Variants in HECTD2 observed in about 807,000 individuals in gnomAD.
HECTD2 encodes the protein HECT domain E3 ubiquitin protein ligase 2, also known as probable E3 ubiquitin-protein ligase HECTD2.
Under a neutral mutation model 103.2 loss-of-function variants are expected in HECTD2, and 35 were observed. The ratio of observed to expected loss-of-function variants is 0.34; its 90% CI spans 0.26 to 0.45. The LOEUF is 0.45. HECTD2 is among the 20% of genes least tolerant of loss of function. HECTD2 has a pLI of 1.00. For missense variants in HECTD2, 596 were observed against 937.4 expected, an observed-to-expected ratio of 0.64 and a Z score of 4.76; for synonymous variants, 281 against 329.9, an observed-to-expected ratio of 0.85 and a Z score of 1.61.
At chr10:91,454,360 A>C (rs1844974607) in intron 2 of HECTD2, among the ~76,000 whole-genome samples, 1 of 152,150 alleles carries the variant, frequency 6.6e-6, no homozygotes, top group South Asian at 2.1e-4. Context: ...AGTAACAGAA[A>C]ATAACAGGAG....
intron 2 of HECTD2, among the ~76,000 whole-genome samples, chr10:91,439,308 T>C (rs201567480): frequency 6.6e-6 from 1 of 152,214 alleles, no homozygotes; most frequent in Admixed American, 6.5e-5. Context: ...TAGCCAGTTT[T>C]CCCAGCACCA....
intron 20 of HECTD2, among the ~76,000 whole-genome samples, chr10:91,502,307 C>A (rs148779179): frequency 3.9e-5 from 6 of 152,280 alleles, no homozygotes; most frequent in Non-Finnish European, 8.8e-5. Flanking sequence ...TCCATGCTTT[C>A]AAGTTGTTCC....
At position 91,410,481 on chromosome 10, in the gene HECTD2, G is replaced by A. The variant is rs1239337890; in HGVS notation, c.43G>A (p.Val15Met). 6.8e-7 allele frequency: 1 copy of A among 1,468,390 alleles called. No homozygotes were observed. The highest frequency in any genetic ancestry group is 1.3e-5 in the South Asian group (1 of 77,214). The allele number at this position is 1,468,390 out of a possible 1,614,324, so 91.0% of individuals were successfully genotyped here. The change falls in exon 1 of 21, where the codon GTG becomes ATG. Residue 15 changes from valine to methionine, a missense_variant. Physicochemically the swap from Val to Met is conservative, Grantham distance 21. Coordinates refer to ENST00000298068, the MANE Select transcript of HECTD2 (RefSeq NM_182765.6). ...GGTACCCTCGCCCGCCACTCCGCTG[G>A]TGGTGGCGGCGCCCGCGCCTGAGGA... ...VRVPSPATPL[V>M]VAAPAPEERK...
Position 91,507,538 on chromosome 10 carries a change from A to G in HECTD2, c.2211-4726A>G, listed in dbSNP as rs1463325395. Among the ~76,000 whole-genome samples, 3 of 152,310 alleles carry G rather than the reference A, an allele frequency of 2.0e-5. No homozygotes were observed. In the East Asian group the frequency reaches 5.8e-4, roughly 29 times the overall value. On this transcript the variant is annotated intron_variant, in intron 20 of 20. Coordinates refer to ENST00000298068, the MANE Select transcript of HECTD2 (RefSeq NM_182765.6). ...CATTCACAACTGCTTCAAAGAGAAT[A>G]AAATACTTAGGAATCCAACTTACAA...
chr10:91,462,909 G>A (rs1845405005), intron 5 of HECTD2: 1 of 261,228 alleles, frequency 3.8e-6, no homozygotes, highest in African/African-American at 2.3e-5. Flanking sequence ...ATGTTTTGTA[G>A]TTTTCTGGAT....
At chr10:91,507,245 A>G (rs1389648093) in intron 20 of HECTD2, among the ~76,000 whole-genome samples, 2 of 151,108 alleles carry the variant, frequency 1.3e-5, no homozygotes, top group Non-Finnish European at 2.9e-5. Context: ...CACCACTCCT[A>G]TTCAACATAG....
chr10:91,504,941 C>T (rs1847085446), intron 20 of HECTD2, among the ~76,000 whole-genome samples: 1 of 152,150 alleles, frequency 6.6e-6, no homozygotes, highest in South Asian at 2.1e-4. Context: ...GGCAGAAACC[C>T]TACAAGCCAG....
chr10:91,455,715 T>G (rs1053516783), intron 2 of HECTD2, among the ~76,000 whole-genome samples: 3 of 152,170 alleles, frequency 2.0e-5, no homozygotes, highest in Non-Finnish European at 4.4e-5. Context: ...GGTCTAACAT[T>G]TAAGTCTTTA....
At chr10:91,484,016 C>G (rs1160637684) in intron 8 of HECTD2, 18 of 238,676 alleles carry the variant, frequency 7.5e-5, no homozygotes, top group Non-Finnish European at 3.2e-5. Flanking sequence ...ACAAAAAGCA[C>G]CAAAATGTGA....
At chr10:91,498,218 A>G (rs1389015043) in intron 16 of HECTD2, 36 bp downstream of exon 16, 10 of 1,353,500 alleles carry the variant, frequency 7.4e-6, no homozygotes, top group Admixed American at 1.7e-5. Flanking sequence ...TGTTAATCAT[A>G]TATTTCATAT....
rs1307169936 is a variant in HECTD2 at position 91,478,260 on chromosome 10, G to C, written c.660G>C (p.Trp220Cys). The C allele has an allele frequency of 6.3e-7, 1 of 1,591,414 alleles. No individual in the cohort carries two copies. The highest frequency in any genetic ancestry group is 8.6e-7 in the Non-Finnish European group (1 of 1,159,754). Residue 220 changes from tryptophan to cysteine, a missense_variant, in exon 6 of 21, where the codon TGG becomes TGC. Trp to Cys is a radical substitution (Grantham distance 215, BLOSUM62 -2). Around this residue, in one of 4 missense-constraint regions of HECTD2, gnomAD observed 303 missense variants for 522.5 expected, o/e 0.58. Coordinates refer to ENST00000298068, the MANE Select transcript of HECTD2 (RefSeq NM_182765.6). ...KGIINSLLRE[W>C]KGPRTKDDLR... ...TCATTAACAGCCTGTTACGAGAATG[G>C]AAAGGGTAAACTAATATTTTCAATA...
chr10:91,410,709 C>A, intron 1 of HECTD2, 133 bp downstream of exon 1: 2 of 809,648 alleles, frequency 2.5e-6, no homozygotes, highest in Non-Finnish European at 3.4e-6. Context: ...CGCACTCAGG[C>A]CGCCCTTCCT....
chr10:91,420,247 T>G (rs934583411), intron 1 of HECTD2, among the ~76,000 whole-genome samples: 4 of 151,322 alleles, frequency 2.6e-5, no homozygotes, highest in Non-Finnish European at 5.9e-5. Context: ...GACCAAGGAA[T>G]TTTTTTCTAT....
chr10:91,499,912 G>A lies in HECTD2; in HGVS notation c.1951-590G>A, dbSNP rs148254287. Among the ~76,000 whole-genome samples, 20 of 152,238 alleles carry A rather than the reference G, an allele frequency of 1.3e-4. No individual in the cohort carries two copies. In the East Asian group the frequency reaches 2.7e-3, roughly 21 times the overall value. On this transcript the variant is annotated intron_variant, in intron 18 of 20. Coordinates refer to ENST00000298068, the MANE Select transcript of HECTD2 (RefSeq NM_182765.6). Reference sequence around the variant, plus strand: ...AAACCTTTGTAATATGTTTGTTGTCGAAAATACCTTTGAAAGAGAAACACT... The same window carrying A: ...AAACCTTTGTAATATGTTTGTTGTCAAAAATACCTTTGAAAGAGAAACACT...
intron 18 of HECTD2, among the ~76,000 whole-genome samples, chr10:91,499,945 G>A (rs1466918108): frequency 6.6e-6 from 1 of 152,128 alleles, no homozygotes; most frequent in African/African-American, 2.4e-5. Context: ...ACTTTATTGA[G>A]CTCTAGTTAA....
At chr10:91,490,423 T>G (rs1589536879) in intron 11 of HECTD2, among the ~76,000 whole-genome samples, 1 of 152,212 alleles carries the variant, frequency 6.6e-6, no homozygotes, top group African/African-American at 2.4e-5. Flanking sequence ...AATATTGTGA[T>G]GGTCTTTGAT....
intron 1 of HECTD2, among the ~76,000 whole-genome samples, chr10:91,418,162 T>C (rs1439580561): frequency 6.6e-6 from 1 of 152,222 alleles, no homozygotes; most frequent in Non-Finnish European, 1.5e-5. Flanking sequence ...CAAATTAACT[T>C]GGTTTTGTTC....
chr10:91,505,086 AC>A (rs1165745851), intron 20 of HECTD2, among the ~76,000 whole-genome samples: 4 of 151,972 alleles, frequency 2.6e-5, no homozygotes, highest in African/African-American at 9.7e-5. Context: ...AGATTTTGTC[AC>A]CACCAGGCCT....
chr10:91,480,850 T>A (rs1846065124), intron 6 of HECTD2, among the ~76,000 whole-genome samples: 2 of 152,014 alleles, frequency 1.3e-5, no homozygotes, highest in South Asian at 4.1e-4. Context: ...TAATCATATT[T>A]ACCTCACAAA....
Sources: allele counts gnomAD v4.1 joint callset (sites outside exome capture counted in the v4.1 genomes callset), GRCh38; gene constraint gnomAD v4.1.1; regional missense constraint gnomAD v4.1.1; transcripts MANE v1.5; gene names NCBI Gene and HGNC (gene_info 2026-07-23, HGNC 2026-07-21).